Variants in MFSD8 observed in about 807,000 individuals in gnomAD.
The protein encoded by MFSD8 is major facilitator superfamily domain-containing protein 8.
MFSD8 carries 55 observed loss-of-function variants against 66.4 expected under a neutral mutation model. That is an observed-to-expected ratio of 0.83 (90% CI 0.67 to 1.04). MFSD8 has a LOEUF of 1.04. MFSD8 is among the 50% of genes least tolerant of loss of function. The pLI is 0.00. For missense variants in MFSD8, 550 were observed against 627.6 expected (o/e 0.88, Z 1.32); for synonymous variants, 202 against 212.8 (o/e 0.95, Z 0.44).
Position 127,920,591 on chromosome 4 carries a change from G to C in MFSD8, c.*39C>G, listed in dbSNP as rs1438240483. The C allele has an allele frequency of 5.6e-6, 9 of 1,601,058 alleles. No individual in the cohort carries two copies. In the South Asian group the frequency reaches 7.7e-5, roughly 14 times the overall value. ...CTAGCAGAGCTTTAGACCAGGAAGT[G>C]CCACACAGCAAGTAGTTTCCATCAC... On this transcript the variant is annotated 3_prime_UTR_variant, in exon 12 of 12. Transcript: ENST00000641686.
At chr4:127,934,146 G>C (rs190082954) in intron 7 of MFSD8, among the ~76,000 whole-genome samples, 108 of 152,300 alleles carry the variant, frequency 7.1e-4, no homozygotes, top group African/African-American at 2.5e-3. Flanking sequence ...GAGAGGCTGA[G>C]GCACGAGAAT....
intron 9 of MFSD8, among the ~76,000 whole-genome samples, chr4:127,926,888 A>G (rs191647174): frequency 6.6e-6 from 1 of 152,310 alleles, no homozygotes; most frequent in Admixed American, 6.5e-5. Context: ...TTGAATTTTG[A>G]TATTTTTCCA....
intron 2 of MFSD8, among the ~76,000 whole-genome samples, chr4:127,953,103 T>C (rs1742277924): frequency 6.6e-6 from 1 of 152,088 alleles, no homozygotes; most frequent in African/African-American, 2.4e-5. Context: ...CAACAAAGCC[T>C]CATGGTCTAA....
chr4:127,963,180 G>C (rs1209436781), intron 1 of MFSD8, among the ~76,000 whole-genome samples: 4 of 152,096 alleles, frequency 2.6e-5, no homozygotes, highest in Admixed American at 2.6e-4. Flanking sequence ...TGTACATTTG[G>C]CATAGGACAA....
At chr4:127,960,248 G>A (rs1219480545) in intron 1 of MFSD8, among the ~76,000 whole-genome samples, 1 of 152,218 alleles carries the variant, frequency 6.6e-6, no homozygotes, top group Non-Finnish European at 1.5e-5. Flanking sequence ...TTTAACAACG[G>A]CCAGGCGCAG....
intron 2 of MFSD8, among the ~76,000 whole-genome samples, chr4:127,957,097 G>A (rs1180904753): frequency 6.6e-6 from 1 of 151,994 alleles, no homozygotes; most frequent in East Asian, 1.9e-4. Flanking sequence ...TAAATAAAAG[G>A]AAATTATCAC....
intron 1 of MFSD8, among the ~76,000 whole-genome samples, chr4:127,962,279 C>A (rs1471461134): frequency 1.3e-5 from 2 of 152,130 alleles, no homozygotes; most frequent in East Asian, 3.9e-4. Context: ...ATCAGCCTGG[C>A]CACCTGGTGA....
intron 7 of MFSD8, among the ~76,000 whole-genome samples, chr4:127,935,051 A>T (rs1738834923): frequency 6.6e-6 from 1 of 152,102 alleles, no homozygotes; most frequent in African/African-American, 2.4e-5. Flanking sequence ...CTCCTCCAAC[A>T]ATAAGTAGAT....
At chr4:127,949,102 G>A (rs1361513640) in intron 3 of MFSD8, among the ~76,000 whole-genome samples, 1 of 152,206 alleles carries the variant, frequency 6.6e-6, no homozygotes, top group Non-Finnish European at 1.5e-5. Flanking sequence ...TTTCAGGACA[G>A]CAGAAAAGTT....
rs1299987906 is a variant in MFSD8 at position 127,949,718 on chromosome 4, CAA to C, written c.198+84_198+85del. The C allele has an allele frequency of 3.6e-6, 4 of 1,118,916 alleles. No individual in the cohort carries two copies. In the African/African-American group the frequency reaches 4.7e-5, roughly 13 times the overall value. The allele number at this position is 1,118,916 out of a possible 1,614,324, so 69.3% of individuals were successfully genotyped here. On this transcript the variant is annotated intron_variant, in intron 3 of 11. Coordinates refer to ENST00000641686, the MANE Select transcript of MFSD8 (RefSeq NM_001371596.2). ...TTGTAAAGATTAAACCATAGAATAC[CAA>C]AGAGACTCTTTAGAAAATGCTTAAC...
At chr4:127,950,199 T>C (rs1249881086) in intron 2 of MFSD8, among the ~76,000 whole-genome samples, 1 of 152,214 alleles carries the variant, frequency 6.6e-6, no homozygotes, top group Non-Finnish European at 1.5e-5. Flanking sequence ...GTGCTAGGCT[T>C]CTATCCTGTG....
At position 127,934,018 on chromosome 4, in the gene MFSD8, C is replaced by T. The variant is rs578091643; in HGVS notation, c.755-925G>A. Among the ~76,000 whole-genome samples, 7 of 152,252 alleles carry T rather than the reference C, an allele frequency of 4.6e-5. No individual in the cohort carries two copies. The South Asian group carries it at 1.2e-3, about 27-fold the overall frequency. On this transcript the variant is annotated intron_variant, in intron 7 of 11. Transcript: ENST00000641686. ...AGGTGGGAGGCCAGTGCAGGTGGAT[C>T]ACCTGAGGTCAGAAGTTTGAGACCA...
intron 2 of MFSD8, among the ~76,000 whole-genome samples, chr4:127,955,523 G>A (rs1742699086): frequency 7.4e-6 from 1 of 135,036 alleles, no homozygotes; most frequent in Non-Finnish European, 1.5e-5. Context: ...TTGGACGACA[G>A]AGCGAGACTT....
At chr4:127,947,153 G>A (rs1741170035) in intron 3 of MFSD8, among the ~76,000 whole-genome samples, 1 of 152,152 alleles carries the variant, frequency 6.6e-6, no homozygotes, top group African/African-American at 2.4e-5. Context: ...AGCAACTGGG[G>A]AGGCTGAGGC....
intron 1 of MFSD8, among the ~76,000 whole-genome samples, chr4:127,960,576 A>T (rs1378988475): frequency 1.3e-5 from 2 of 152,188 alleles, no homozygotes; most frequent in Non-Finnish European, 2.9e-5. Flanking sequence ...GTGTGTGCTC[A>T]GTGACAGAAC....
chr4:127,941,620 C>T (rs1000582604), intron 5 of MFSD8, among the ~76,000 whole-genome samples: 1 of 152,078 alleles, frequency 6.6e-6, no homozygotes, highest in African/African-American at 2.4e-5. Context: ...CGCCACCACA[C>T]CTGGCTAATT....
chr4:127,964,834 T>C, intron 1 of MFSD8: 1 of 607,720 alleles, frequency 1.6e-6, no homozygotes, highest in Non-Finnish European at 2.9e-6. Flanking sequence ...AGCAGCAGCC[T>C]GGGTTTCTCC....
At chr4:127,927,084 T>C (rs962480914) in intron 9 of MFSD8, among the ~76,000 whole-genome samples, 9 of 152,246 alleles carry the variant, frequency 5.9e-5, no homozygotes, top group African/African-American at 1.2e-4. Flanking sequence ...TTAGATGATT[T>C]AGCCAAACTG....
chr4:127,962,403 G>C (rs919975254), intron 1 of MFSD8, among the ~76,000 whole-genome samples: 8 of 152,254 alleles, frequency 5.3e-5, no homozygotes, highest in Middle Eastern at 3.4e-3. Flanking sequence ...GGGAGGCAGA[G>C]GTGGCAGTGA....
Sources: gnomAD v4.1 joint callset for allele counts (sites outside exome capture counted in the v4.1 genomes callset) on GRCh38, gnomAD v4.1.1 for gene constraint, MANE v1.5 for transcripts, NCBI Gene and HGNC (gene_info 2026-07-23, HGNC 2026-07-21) for gene names.